The following TBX22 variants were observed in gnomAD, a reference collection of about 807,000 sequenced individuals.
TBX22 encodes the protein T-box transcription factor TBX22.
Under a neutral mutation model 30.1 loss-of-function variants are expected in TBX22, and 8 were observed. The observed-to-expected ratio is 0.27, with a 90% CI of 0.16 to 0.48. The LOEUF is 0.48. Among genes scored for constraint, TBX22 ranks in the 20% least tolerant of loss-of-function variants. TBX22 has a pLI of 0.99. For synonymous variants in TBX22, 173 were observed against 149.1 expected (o/e 1.16, Z -1.17); for missense variants, 463 against 400.5 (o/e 1.16, Z -1.33).
At position 80,031,340 on chromosome X, in the gene TBX22, A is replaced by T. The variant is rs1250727433; in HGVS notation, c.*229A>T. 3 of 392,054 alleles carry T rather than the reference A, an allele frequency of 7.7e-6. No individual in the cohort carries two copies. The highest frequency in any genetic ancestry group is 1.3e-5 in the Non-Finnish European group (3 of 227,636). The allele number at this position is 392,054 out of a possible 1,213,427, so 32.3% of individuals were successfully genotyped here. ...TCTGATTACAGTGGCCTTGAGCTTC[A>T]AAATGAGATATGCAATAAATATTAT... On this transcript the variant is annotated 3_prime_UTR_variant, in exon 9 of 9. Coordinates refer to ENST00000373296, the MANE Select transcript of TBX22 (RefSeq NM_001109878.2).
Position 80,022,456 on chromosome X carries a change from C to T in TBX22, c.175+12C>T. Reference sequence around the variant, plus strand: ...GAGCGAGCCGCTTGGTAAGTACTGCCATTGCCCTGAGCCCGTTGCCTGAGC... The same window carrying T: ...GAGCGAGCCGCTTGGTAAGTACTGCTATTGCCCTGAGCCCGTTGCCTGAGC... On this transcript the variant is annotated intron_variant, in intron 2 of 8. Transcript: ENST00000373296. 1 of 1,170,936 alleles carries T rather than the reference C, an allele frequency of 8.5e-7. No homozygotes were observed.
rs953796631 is a variant in TBX22, at chrX:80,021,815, G to A, written c.-2-453G>A. On this transcript the variant is annotated intron_variant, in intron 1 of 8. Transcript: ENST00000373296. ...ACTCCCAATCCGAGCAACCTGAGCC[G>A]CCATTGGCGGCAGGTCTGCTCCCTA... 2.7e-5 allele frequency among the ~76,000 whole-genome samples: 3 copies of A among 111,959 alleles called. No individual in the cohort carries two copies. In the East Asian group the frequency reaches 8.5e-4, roughly 32 times the overall value.
intron 2 of TBX22, 44 bp from the exon 3 acceptor site, chrX:80,023,016 T>C (rs1338673916): frequency 8.4e-7 from 1 of 1,186,024 alleles, no homozygotes; most frequent in East Asian, 3.0e-5. Context: ...GCATGTGAAC[T>C]GTGACGCTCT....
chrX:80,026,745 C>T lies in TBX22; in HGVS notation c.675C>T (p.His225=), dbSNP rs770012858. 2.7e-5 allele frequency: 33 copies of T among 1,209,354 alleles called. No individual in the cohort carries two copies. The highest frequency in any genetic ancestry group is 3.4e-5 in the Non-Finnish European group (30 of 894,630). Residue 225 remains histidine (H), a synonymous_variant, in exon 6 of 9, where the codon CAC becomes CAT. Transcript: ENST00000373296. ...TGCATAAGTACAAACCCCGAGTGCACGTGATAGAGCAAGGCAGCAGTGTTG... is the reference window on the plus strand; with the variant it reads ...TGCATAAGTACAAACCCCGAGTGCATGTGATAGAGCAAGGCAGCAGTGTTG... The part of the protein sequence containing the change: ...QSMHKYKPRV[H]VIEQGSSVDL...
Position 80,031,244 on chromosome X carries a change from G to A in TBX22, c.*133G>A. 1 of 581,491 alleles carries A rather than the reference G, an allele frequency of 1.7e-6. No individual in the cohort carries two copies. The allele number at this position is 581,491 out of a possible 1,213,427, so 47.9% of individuals were successfully genotyped here. A position where few individuals can be genotyped will look rare whatever the true frequency, so the allele number is the denominator to read the frequency against. On this transcript the variant is annotated 3_prime_UTR_variant, in exon 9 of 9. Coordinates refer to ENST00000373296, the MANE Select transcript of TBX22 (RefSeq NM_001109878.2). ...AGTATTTCTTTGTTATACATTTAAA[G>A]ATTTAAAGTGCCTTATCAAATAATA...
Position 80,030,496 on chromosome X carries a change from A to G in TBX22, c.950-2A>G. The G allele has an allele frequency of 8.3e-7, 1 of 1,211,559 alleles. No individual in the cohort carries two copies. The highest frequency in any genetic ancestry group is 1.1e-6 in the Non-Finnish European group (1 of 895,271). On this transcript the variant is annotated splice_acceptor_variant, in intron 8 of 8. Transcript: ENST00000373296. LOFTEE classifies it high-confidence loss of function. ...ATTCATTGGCTGAATTGTCATTCAC[A>G]GGTGGAAGCAGTGGCTCATCTCCAG... is the stretch of plus-strand genomic sequence containing the variant.
intron 1 of TBX22, among the ~76,000 whole-genome samples, chrX:80,019,859 A>T (rs907689135): frequency 9.0e-6 from 1 of 111,715 alleles, no homozygotes; most frequent in African/African-American, 3.2e-5. Context: ...AAAATAAAAA[A>T]ATTCTGGATG....
In TBX22 at chrX:80,022,309, G is replaced by C; in HGVS notation, c.40G>C (p.Ala14Pro). ...TCGGGCGCGTGCCTTCTCCGTGGAAGCCTTGGTGGGGAGACCCAGCAAAAG... is the reference window on the plus strand; with the variant it reads ...TCGGGCGCGTGCCTTCTCCGTGGAACCCTTGGTGGGGAGACCCAGCAAAAG... ...SSRARAFSVE[A>P]LVGRPSKRKL... The change falls in exon 2 of 9, where the codon GCC becomes CCC. Residue 14 changes from alanine (A) to proline (P), a missense_variant. Physicochemically the swap from Ala to Pro is conservative, Grantham distance 27 (BLOSUM62 -1). Transcript: ENST00000373296. 1 of 1,211,636 alleles carries C rather than the reference G, an allele frequency of 8.3e-7. No individual in the cohort carries two copies. The highest frequency in any genetic ancestry group is 1.1e-6 in the Non-Finnish European group (1 of 895,474).
At position 80,023,169 on chromosome X, in the gene TBX22, G is replaced by T; in HGVS notation, c.285G>T (p.Glu95Asp). The change falls in exon 3 of 9, where the codon GAG (glutamate) becomes GAT (aspartate). Residue 95 changes from glutamate (E) to aspartate (D), a missense_variant. Coordinates refer to ENST00000373296, the MANE Select transcript of TBX22 (RefSeq NM_001109878.2). The part of the protein sequence containing the change: ...ESLEEKDIQM[E>D]LQGSELWKRF... ...TGGAAGAGAAAGATATTCAAATGGA[G>T]CTTCAAGGATCTGAACTGTGGAAAA... 1 of 1,211,677 alleles carries T rather than the reference G, an allele frequency of 8.3e-7. No homozygotes were observed. The highest frequency in any genetic ancestry group is 1.1e-6 in the Non-Finnish European group (1 of 895,260).
In TBX22 at chrX:80,027,338, G is replaced by T; in HGVS notation, c.863+18G>T. ...AGAAACAGGTAAGCAGCATAGCAATGACATCTAATATTGATGTAGCTAGCT... is the reference window on the plus strand; with the variant it reads ...AGAAACAGGTAAGCAGCATAGCAATTACATCTAATATTGATGTAGCTAGCT... On this transcript the variant is annotated intron_variant, in intron 7 of 8. Transcript: ENST00000373296. 1 of 878,391 alleles carries T rather than the reference G, an allele frequency of 1.1e-6. No individual in the cohort carries two copies. The allele number at this position is 878,391 out of a possible 1,213,427, so 72.4% of individuals were successfully genotyped here.
At chrX:80,024,019 A>G in intron 3 of TBX22, 44 bp from the exon 4 acceptor site, 1 of 1,168,777 alleles carries the variant, frequency 8.6e-7, no homozygotes, top group Non-Finnish European at 1.2e-6. Context: ...TCTTCCAAAC[A>G]TTTCTAAAAG....
intron 8 of TBX22, among the ~76,000 whole-genome samples, chrX:80,030,036 G>C (rs1210116445): frequency 3.6e-5 from 4 of 111,839 alleles, no homozygotes; most frequent in Non-Finnish European, 7.5e-5. Flanking sequence ...GGGGTTGGGA[G>C]GGGATGGTTT....
intron 1 of TBX22, among the ~76,000 whole-genome samples, chrX:80,019,033 G>T (rs1923567069): frequency 8.9e-6 from 1 of 111,758 alleles, no homozygotes; most frequent in Non-Finnish European, 1.9e-5. Flanking sequence ...GAAGAGGTAG[G>T]AAGAAAGAAA....
chrX:80,030,335 A>G (rs754395386), intron 8 of TBX22, among the ~76,000 whole-genome samples, 163 bp from the exon 9 acceptor site: 304 of 112,391 alleles, frequency 2.7e-3, no homozygotes, highest in Non-Finnish European at 4.4e-3. Flanking sequence ...AACTTTAGTC[A>G]GAGGAATGAG....
intron 5 of TBX22, 31 bp downstream of exon 5, chrX:80,025,808 G>A (rs1602410938): frequency 1.7e-6 from 2 of 1,164,485 alleles, no homozygotes; most frequent in East Asian, 3.1e-5. Context: ...ACCCCGAGGA[G>A]GGAGGTGCCA....
chrX:80,021,528 TC>T (rs1923692018), intron 1 of TBX22, among the ~76,000 whole-genome samples: 1 of 112,360 alleles, frequency 8.9e-6, no homozygotes, highest in African/African-American at 3.2e-5. Context: ...GATACATCTC[TC>T]CGGATCTGCT....
At position 80,031,738 on chromosome X, in the gene TBX22, A is replaced by G. The variant is rs1924259880; in HGVS notation, c.*627A>G. 8.9e-6 allele frequency: 1 copy of G among 111,972 alleles called. No individual in the cohort carries two copies. Among genetic ancestry groups the G allele is most frequent in the African/African-American group, 3.2e-5 (1 of 30,958 alleles). The allele number at this position is 111,972 out of a possible 1,213,427, so 9.2% of individuals were successfully genotyped here. ...GGAACACAAAGATCAAATGAAAAGTAAAACACTCTAAATAAATTTGCTTTT... is the reference window on the plus strand; with the variant it reads ...GGAACACAAAGATCAAATGAAAAGTGAAACACTCTAAATAAATTTGCTTTT... On this transcript the variant is annotated 3_prime_UTR_variant, in exon 9 of 9. Transcript: ENST00000373296.
At chrX:80,026,112 T>C (rs1372219452) in intron 5 of TBX22, among the ~76,000 whole-genome samples, 2 of 111,396 alleles carry the variant, frequency 1.8e-5, no homozygotes, top group African/African-American at 3.3e-5. Context: ...CTATGATCTC[T>C]GATTGCCTTC....
chrX:80,026,722 C>A lies in TBX22; in HGVS notation c.652C>A (p.His218Asn), dbSNP rs757598908. Residue 218 changes from histidine to asparagine, a missense_variant, in exon 6 of 9, where the codon CAT becomes AAT. His to Asn is a moderately conservative substitution (Grantham distance 68). Transcript: ENST00000373296. ...DKGHIILQSM[H>N]KYKPRVHVIE... is the part of the protein sequence containing the mutation. ...CCTCCAGATCATTCTGCAATCCATG[C>A]ATAAGTACAAACCCCGAGTGCACGT... 1 of 1,210,012 alleles carries A rather than the reference C, an allele frequency of 8.3e-7. No individual in the cohort carries two copies. Among genetic ancestry groups the A allele is most frequent in the African/African-American group, 1.7e-5 (1 of 57,224 alleles).
Sources: allele counts gnomAD v4.1 joint callset (sites outside exome capture counted in the v4.1 genomes callset), GRCh38; gene constraint gnomAD v4.1.1; transcripts MANE v1.5; gene names NCBI Gene and HGNC (gene_info 2026-07-23, HGNC 2026-07-21).